The following PPM1L variants were observed in gnomAD, a reference collection of about 807,000 sequenced individuals.
PPM1L encodes the protein protein phosphatase, Mg2+/Mn2+ dependent 1L.
PPM1L carries 13 observed loss-of-function variants against 31.4 expected under a neutral mutation model. That is an observed-to-expected ratio of 0.41 (90% CI 0.27 to 0.66). The LOEUF (loss-of-function observed/expected upper bound fraction) is 0.66, where lower values mean the gene tolerates loss of function less well. Among genes scored for constraint, PPM1L ranks in the 30% least tolerant of loss-of-function variants. PPM1L has a pLI of 0.29. For missense variants in PPM1L, 326 were observed against 453.7 expected, an observed-to-expected ratio of 0.72 and a Z score of 2.56; for synonymous variants, 184 against 175.4, an observed-to-expected ratio of 1.05 and a Z score of -0.39.
At position 161,070,438 on chromosome 3, in the gene PPM1L, G is replaced by A. The variant is rs535552334; in HGVS notation, c.*1281G>A. On this transcript the variant is annotated 3_prime_UTR_variant, in exon 4 of 4. Transcript: ENST00000498165. ...CAGGCCTGCAGGGGAGGCAGCAAAG[G>A]GACCTGGCAGTTGCAACACAGTAAG... 6.6e-6 allele frequency: 1 copy of A among 152,332 alleles called. No homozygotes were observed. Among genetic ancestry groups the A allele is most frequent in the African/African-American group, 2.4e-5 (1 of 41,574 alleles). The allele number at this position is 152,332 out of a possible 1,614,324, so 9.4% of individuals were successfully genotyped here. A position where few individuals can be genotyped will look rare whatever the true frequency, so the allele number is the denominator to read the frequency against.
At chr3:160,791,544 G>A (rs1476879962) in intron 1 of PPM1L, among the ~76,000 whole-genome samples, 1 of 152,084 alleles carries the variant, frequency 6.6e-6, no homozygotes, top group Non-Finnish European at 1.5e-5. Flanking sequence ...CGTTCACTGA[G>A]CACTTGCTGT....
intron 2 of PPM1L, among the ~76,000 whole-genome samples, chr3:161,006,517 A>G (rs1717710899): frequency 6.6e-6 from 1 of 152,176 alleles, no homozygotes; most frequent in Non-Finnish European, 1.5e-5. Context: ...TACCATAATA[A>G]AAGATAAAAA....
chr3:160,983,826 C>G (rs1242651804), intron 2 of PPM1L, among the ~76,000 whole-genome samples: 1 of 152,090 alleles, frequency 6.6e-6, no homozygotes, highest in Admixed American at 6.6e-5. Flanking sequence ...GGGGAGACAT[C>G]ACATGTCAGC....
chr3:160,928,901 C>G (rs189051622), intron 1 of PPM1L, among the ~76,000 whole-genome samples: 1 of 152,176 alleles, frequency 6.6e-6, no homozygotes, highest in Admixed American at 6.5e-5. Flanking sequence ...CTCACTCTGT[C>G]GTATATTGTT....
At chr3:161,013,774 T>C (rs149214515) in intron 2 of PPM1L, among the ~76,000 whole-genome samples, 1,544 of 152,348 alleles carry the variant, frequency 0.01, 29 homozygotes, top group African/African-American at 0.035. Context: ...TTTACCATTA[T>C]GTAATGACCT....
chr3:160,872,529 AG>A (rs1367706588), intron 1 of PPM1L, among the ~76,000 whole-genome samples: 1 of 152,238 alleles, frequency 6.6e-6, no homozygotes, highest in African/African-American at 2.4e-5. Context: ...CTTATATAAC[AG>A]GGAACAAACC....
intron 2 of PPM1L, among the ~76,000 whole-genome samples, chr3:161,003,443 T>C (rs1413791159): frequency 2.0e-5 from 3 of 151,818 alleles, no homozygotes; most frequent in South Asian, 4.2e-4. Flanking sequence ...ATAGCCATTT[T>C]CACGATATTG....
intron 1 of PPM1L, among the ~76,000 whole-genome samples, chr3:160,932,411 A>G (rs981766057): frequency 2.6e-5 from 4 of 152,016 alleles, no homozygotes; most frequent in African/African-American, 9.7e-5. Context: ...TTTGTCACCT[A>G]TAGTCTTATT....
intron 1 of PPM1L, among the ~76,000 whole-genome samples, chr3:160,944,011 GGA>G (rs1715243998): frequency 1.3e-5 from 2 of 152,100 alleles, no homozygotes; most frequent in Non-Finnish European, 1.5e-5. Context: ...TATGACATCT[GGA>G]ACTTGCTTGT....
chr3:160,804,631 A>C (rs941187819), intron 1 of PPM1L, among the ~76,000 whole-genome samples: 1 of 152,184 alleles, frequency 6.6e-6, no homozygotes, highest in African/African-American at 2.4e-5. Context: ...CTTATTTAGA[A>C]TTTTATTTTT....
chr3:160,988,096 A>G (rs1717023516), intron 2 of PPM1L, among the ~76,000 whole-genome samples: 1 of 152,274 alleles, frequency 6.6e-6, no homozygotes, highest in East Asian at 1.9e-4. Context: ...TGCCTTCCAC[A>G]AGAATAGGGG....
intron 1 of PPM1L, among the ~76,000 whole-genome samples, chr3:160,876,358 A>G (rs948982281): frequency 6.6e-6 from 1 of 152,210 alleles, no homozygotes; most frequent in African/African-American, 2.4e-5. Flanking sequence ...TTAGTGTGGA[A>G]TGATGGCAAA....
intron 2 of PPM1L, among the ~76,000 whole-genome samples, chr3:161,025,411 AAAAT>A (rs986666510): frequency 2.6e-5 from 4 of 152,112 alleles, no homozygotes; most frequent in African/African-American, 9.7e-5. Context: ...AAACTTAAAA[AAAAT>A]AAATAAATTA....
At chr3:160,765,495 A>G (rs555347244) in intron 1 of PPM1L, among the ~76,000 whole-genome samples, 75 of 152,244 alleles carry the variant, frequency 4.9e-4, no homozygotes, top group African/African-American at 1.7e-3. Context: ...TGATCTTGTA[A>G]TTACCTAGAA....
chr3:160,864,669 T>A (rs532823548), intron 1 of PPM1L, among the ~76,000 whole-genome samples: 1 of 152,206 alleles, frequency 6.6e-6, no homozygotes, highest in Non-Finnish European at 1.5e-5. Context: ...TATAAATGGA[T>A]GAATAAGACA....
At chr3:160,884,406 G>A (rs1454587428) in intron 1 of PPM1L, among the ~76,000 whole-genome samples, 1 of 152,134 alleles carries the variant, frequency 6.6e-6, no homozygotes. Flanking sequence ...TATGGAGATG[G>A]GAAAGGAAAG....
At chr3:160,883,049 A>G (rs1372968818) in intron 1 of PPM1L, among the ~76,000 whole-genome samples, 1 of 152,250 alleles carries the variant, frequency 6.6e-6, no homozygotes, top group Non-Finnish European at 1.5e-5. Context: ...CCCTCATTAA[A>G]TGTCAGGCAT....
At chr3:161,001,838 T>A (rs1236517462) in intron 2 of PPM1L, among the ~76,000 whole-genome samples, 3 of 152,166 alleles carry the variant, frequency 2.0e-5, no homozygotes, top group East Asian at 1.9e-4. Context: ...TTCTTTTTTT[T>A]AATTCATTAT....
intron 1 of PPM1L, among the ~76,000 whole-genome samples, chr3:160,904,452 G>A (rs1209210804): frequency 1.3e-5 from 2 of 152,130 alleles, no homozygotes; most frequent in African/African-American, 4.8e-5. Context: ...AGGGATTATG[G>A]TTGGTTTTGA....
Sources: gnomAD v4.1 joint callset for allele counts (sites outside exome capture counted in the v4.1 genomes callset) on GRCh38, gnomAD v4.1.1 for gene constraint, MANE v1.5 for transcripts, NCBI Gene and HGNC (gene_info 2026-07-23, HGNC 2026-07-21) for gene names.